The following SPECC1 variants were observed in gnomAD, a reference collection of about 807,000 sequenced individuals.
SPECC1 encodes cytospin-B.
SPECC1 carries 62 observed loss-of-function variants against 104.1 expected under a neutral mutation model. That is an observed-to-expected ratio of 0.60 (90% CI 0.49 to 0.74). SPECC1 has a LOEUF of 0.74. Among genes scored for constraint, SPECC1 ranks in the 30% least tolerant of loss-of-function variants. The pLI, the probability that SPECC1 is intolerant of heterozygous loss-of-function variation, is 0.00. For synonymous variants in SPECC1, 513 were observed against 501.6 expected, an observed-to-expected ratio of 1.02 and a Z score of -0.30; for missense variants, 1,306 against 1,310.5, an observed-to-expected ratio of 1.00 and a Z score of 0.05.
intron 1 of SPECC1, among the ~76,000 whole-genome samples, chr17:20,041,980 G>C (rs1182001474): frequency 6.6e-6 from 1 of 152,104 alleles, no homozygotes; most frequent in Non-Finnish European, 1.5e-5. Flanking sequence ...TAATATCTGT[G>C]CTCTCTTAGT....
intron 3 of SPECC1, among the ~76,000 whole-genome samples, chr17:20,189,364 G>A (rs933089341): frequency 2.0e-4 from 30 of 152,108 alleles, no homozygotes; most frequent in African/African-American, 6.8e-4. Context: ...GAGAATTCTG[G>A]GACGAAGCGC....
intron 1 of SPECC1, among the ~76,000 whole-genome samples, chr17:20,057,028 A>T (rs1315472169): frequency 1.3e-5 from 2 of 152,158 alleles, no homozygotes; most frequent in Non-Finnish European, 2.9e-5. Flanking sequence ...GCTCTAACTG[A>T]TCAATCTGGA....
rs531755423 is a variant in SPECC1, at chr17:20,309,931, C to T, written c.3117+3849C>T. Among the ~76,000 whole-genome samples the T allele has an allele frequency of 1.1e-4, 17 of 151,168 alleles. No homozygotes were observed. The South Asian group carries it at 3.6e-3, about 32-fold the overall frequency. On this transcript the variant is annotated intron_variant, in intron 14 of 14. Transcript: ENST00000395527. ...CTTCCGGGTTCAAGCAATTCTTCTGCCTCAGCCTCCTGAGTAGCTGGGATT... is the reference window on the plus strand; with the variant it reads ...CTTCCGGGTTCAAGCAATTCTTCTGTCTCAGCCTCCTGAGTAGCTGGGATT...
intron 13 of SPECC1, 33 bp downstream of exon 13, chr17:20,297,110 C>G: frequency 6.3e-7 from 1 of 1,585,410 alleles, no homozygotes; most frequent in East Asian, 2.2e-5. Context: ...TGGTTATCCT[C>G]TAAGAAATGC....
intron 12 of SPECC1, chr17:20,290,190 A>G (rs1424673615): frequency 1.3e-5 from 2 of 152,128 alleles, no homozygotes; most frequent in Non-Finnish European, 2.9e-5. Context: ...TTTTTCAACC[A>G]TGGCTTTGAT....
At chr17:20,210,992 G>A (rs1027615897) in intron 4 of SPECC1, among the ~76,000 whole-genome samples, 1 of 152,224 alleles carries the variant, frequency 6.6e-6, no homozygotes, top group Non-Finnish European at 1.5e-5. Flanking sequence ...CTTCAGCGAG[G>A]CATTCAGCTC....
chr17:20,222,587 G>T (rs562241198), intron 4 of SPECC1, among the ~76,000 whole-genome samples: 1 of 152,298 alleles, frequency 6.6e-6, no homozygotes, highest in South Asian at 2.1e-4. Context: ...GTCTTGAAAA[G>T]TTGTAGTTAT....
intron 1 of SPECC1, chr17:20,017,651 C>T (rs1421049020): frequency 6.6e-6 from 1 of 152,218 alleles, no homozygotes; most frequent in Non-Finnish European, 1.5e-5. Context: ...TCCAAAGTTT[C>T]TTCATGCAAA....
At chr17:20,260,850 A>G (rs2151596429) in intron 12 of SPECC1, among the ~76,000 whole-genome samples, 1 of 152,164 alleles carries the variant, frequency 6.6e-6, no homozygotes, top group Middle Eastern at 3.4e-3. Flanking sequence ...GATGTGGGTC[A>G]GTTTATCTGC....
At chr17:20,103,553 A>T (rs1375873329) in intron 2 of SPECC1, among the ~76,000 whole-genome samples, 2 of 152,114 alleles carry the variant, frequency 1.3e-5, no homozygotes, top group East Asian at 1.9e-4. Flanking sequence ...AATGGGAGGG[A>T]CAGGAATGGA....
At chr17:20,059,446 C>G (rs867658618) in intron 1 of SPECC1, among the ~76,000 whole-genome samples, 1 of 152,152 alleles carries the variant, frequency 6.6e-6, no homozygotes, top group South Asian at 2.1e-4. Context: ...TTGCTCACCT[C>G]CTGCTGTGTG....
intron 5 of SPECC1, 40 bp downstream of exon 5, chr17:20,227,660 A>G (rs765483852): frequency 3.8e-6 from 6 of 1,581,108 alleles, no homozygotes; most frequent in Non-Finnish European, 5.2e-6. Context: ...CACACCTATA[A>G]TCCCAGCACT....
chr17:20,026,408 GAA>G (rs2152437532), intron 1 of SPECC1, among the ~76,000 whole-genome samples: 1 of 152,126 alleles, frequency 6.6e-6, no homozygotes, highest in South Asian at 2.1e-4. Context: ...CAGTTCTATA[GAA>G]CACTAAAACT....
chr17:20,302,331 C>A lies in SPECC1; in HGVS notation c.3058-3692C>A, dbSNP rs1306251466. 2.0e-5 allele frequency among the ~76,000 whole-genome samples: 3 copies of A among 152,196 alleles called. No homozygotes were observed. In the East Asian group the frequency reaches 5.8e-4, roughly 29 times the overall value. On this transcript the variant is annotated intron_variant, in intron 13 of 14. Coordinates refer to ENST00000395527, the MANE Select transcript of SPECC1 (RefSeq NM_001243439.2). ...ATCCCCCGACCAGGGCAGACTGAAGCAGTGATGGCGTCACCCTGCCCGGCT... is the reference window on the plus strand; with the variant it reads ...ATCCCCCGACCAGGGCAGACTGAAGAAGTGATGGCGTCACCCTGCCCGGCT...
intron 3 of SPECC1, among the ~76,000 whole-genome samples, chr17:20,156,445 A>G (rs1315136279): frequency 6.6e-6 from 1 of 152,102 alleles, no homozygotes; most frequent in Non-Finnish European, 1.5e-5. Flanking sequence ...CTCGTCCTGA[A>G]CGCGCACCTG....
At chr17:20,193,807 A>G (rs1048926914) in intron 3 of SPECC1, among the ~76,000 whole-genome samples, 1 of 152,234 alleles carries the variant, frequency 6.6e-6, no homozygotes, top group Non-Finnish European at 1.5e-5. Context: ...TTAAGCTGAT[A>G]TAGGGTTGTT....
chr17:20,131,119 T>TTTTG (rs1457991048), intron 3 of SPECC1, among the ~76,000 whole-genome samples: 1 of 152,236 alleles, frequency 6.6e-6, no homozygotes, highest in Non-Finnish European at 1.5e-5. Context: ...TAGGAGGATT[T>TTTTG]TTTGTTTGTT....
chr17:20,153,180 C>A (rs919642902), intron 3 of SPECC1, among the ~76,000 whole-genome samples: 2 of 152,046 alleles, frequency 1.3e-5, no homozygotes. Flanking sequence ...GTGTTGAAAC[C>A]GACGGAATAT....
At chr17:20,068,222 A>G (rs1386148791) in intron 1 of SPECC1, among the ~76,000 whole-genome samples, 1 of 152,102 alleles carries the variant, frequency 6.6e-6, no homozygotes, top group African/African-American at 2.4e-5. Context: ...CAGCCTCCCA[A>G]AGTGCTGGGA....
Sources: gnomAD v4.1 joint callset for allele counts (sites outside exome capture counted in the v4.1 genomes callset) on GRCh38, gnomAD v4.1.1 for gene constraint, MANE v1.5 for transcripts, NCBI Gene and HGNC (gene_info 2026-07-23, HGNC 2026-07-21) for gene names.